Variants in COBL observed in about 807,000 individuals in gnomAD.
COBL encodes the protein cordon-bleu WH2 repeat protein.
COBL carries 51 observed loss-of-function variants against 98.8 expected under a neutral mutation model. The ratio of observed to expected loss-of-function variants is 0.52; its 90% CI spans 0.41 to 0.65. The LOEUF (loss-of-function observed/expected upper bound fraction) is 0.65, where lower values mean the gene tolerates loss of function less well. Among genes scored for constraint, COBL ranks in the 30% least tolerant of loss-of-function variants. The probability of loss-of-function intolerance (pLI) is 0.00; values close to 1 mark genes in which losing one functional copy is unlikely to be tolerated. For synonymous variants in COBL, 634 were observed against 651.7 expected (o/e 0.97, Z 0.41); for missense variants, 1,617 against 1,617.5 (o/e 1.00, Z 0.01).
At chr7:51,098,376 A>G (rs1361379323) in intron 6 of COBL, among the ~76,000 whole-genome samples, 1 of 152,044 alleles carries the variant, frequency 6.6e-6, no homozygotes, top group Non-Finnish European at 1.5e-5. Context: ...CATATTACAA[A>G]GCTACTATAA....
In COBL at chr7:51,102,742, C is replaced by T. The variant is rs553430417; in HGVS notation, c.958-17438G>A. On this transcript the variant is annotated intron_variant, in intron 6 of 12. Transcript: ENST00000265136. ...GCATCCATTTACATATTCATTTGTTCGCTTGTTTGTTGATTTGTTCATTCA... is the reference window on the plus strand; with the variant it reads ...GCATCCATTTACATATTCATTTGTTTGCTTGTTTGTTGATTTGTTCATTCA... Among the ~76,000 whole-genome samples the T allele has an allele frequency of 5.9e-5, 9 of 152,294 alleles. No individual in the cohort carries two copies. The East Asian group carries it at 7.7e-4, about 13-fold the overall frequency.
At chr7:51,207,039 A>G (rs908088955) in intron 2 of COBL, among the ~76,000 whole-genome samples, 32 of 152,292 alleles carry the variant, frequency 2.1e-4, no homozygotes, top group African/African-American at 6.3e-4. Flanking sequence ...ACACACATAC[A>G]CACACAAGTC....
chr7:51,248,557 TGTAAATTACACAAGTG>T (rs551332143), intron 1 of COBL, among the ~76,000 whole-genome samples: 505 of 152,344 alleles, frequency 3.3e-3, no homozygotes, highest in Non-Finnish European at 5.5e-3. Flanking sequence ...TTTGAGTGCA[TGTAAATTACACAAGTG>T]GTAAATTACT....
intron 3 of COBL, 58 bp downstream of exon 3, chr7:51,193,321 C>T: frequency 6.7e-7 from 1 of 1,493,566 alleles, no homozygotes. Flanking sequence ...ACACTGGCCC[C>T]TACTCAGGAC....
chr7:51,296,067 C>T (rs1456006233), intron 1 of COBL, among the ~76,000 whole-genome samples: 1 of 152,198 alleles, frequency 6.6e-6, no homozygotes, highest in Non-Finnish European at 1.5e-5. Flanking sequence ...GAACTAACTG[C>T]TCCGCTCCTT....
At chr7:51,204,810 A>G (rs1215699855) in intron 2 of COBL, among the ~76,000 whole-genome samples, 1 of 152,190 alleles carries the variant, frequency 6.6e-6, no homozygotes, top group Non-Finnish European at 1.5e-5. Flanking sequence ...TGGCCTCCCA[A>G]TGTGCTGGGA....
intron 2 of COBL, among the ~76,000 whole-genome samples, chr7:51,208,301 C>A (rs1022313383): frequency 3.3e-5 from 5 of 150,654 alleles, no homozygotes; most frequent in South Asian, 2.1e-4. Context: ...AAGTGAGGAG[C>A]GTCTCCGCCC....
chr7:51,213,729 C>T (rs750323509), intron 2 of COBL, among the ~76,000 whole-genome samples: 1 of 152,074 alleles, frequency 6.6e-6, no homozygotes, highest in Non-Finnish European at 1.5e-5. Flanking sequence ...CTCGCAGATG[C>T]AAATCAGAAG....
intron 2 of COBL, among the ~76,000 whole-genome samples, chr7:51,198,284 T>C (rs966842421): frequency 1.3e-5 from 2 of 152,234 alleles, no homozygotes; most frequent in Non-Finnish European, 1.5e-5. Flanking sequence ...TGTCCAGATA[T>C]GAAATTCTGG....
At chr7:51,121,044 T>C (rs1347764891) in intron 6 of COBL, among the ~76,000 whole-genome samples, 3 of 152,098 alleles carry the variant, frequency 2.0e-5, no homozygotes, top group South Asian at 4.1e-4. Flanking sequence ...GGAAGTGAAA[T>C]TGCTAGATCC....
intron 1 of COBL, among the ~76,000 whole-genome samples, chr7:51,286,385 T>A: frequency 7.2e-6 from 1 of 139,816 alleles, no homozygotes; most frequent in Non-Finnish European, 1.5e-5. Context: ...CCACATTATA[T>A]AAAGAAACTT....
At position 51,175,220 on chromosome 7, in the gene COBL, A is replaced by G. The variant is rs921140883; in HGVS notation, c.783+8882T>C. 2.6e-5 allele frequency among the ~76,000 whole-genome samples: 4 copies of G among 152,352 alleles called. No individual in the cohort carries two copies. In the East Asian group the frequency reaches 5.8e-4, roughly 22 times the overall value. On this transcript the variant is annotated intron_variant, in intron 5 of 12. Transcript: ENST00000265136. ...AGGTATTGGCAGTTTTGCACTGCTG[A>G]TATCACTTTACATAGCACGCTTTTA... is the stretch of plus-strand genomic sequence containing the variant.
chr7:51,064,917 A>G (rs1236907592), intron 7 of COBL: 2 of 547,420 alleles, frequency 3.7e-6, no homozygotes, highest in Middle Eastern at 4.8e-4. Context: ...GAAAGGATGC[A>G]GTGCGGTCTG....
intron 7 of COBL, 151 bp downstream of exon 7, chr7:51,085,015 T>C: frequency 1.7e-6 from 2 of 1,157,796 alleles, no homozygotes; most frequent in Non-Finnish European, 2.4e-6. Context: ...AACTTGCAAT[T>C]ATTTCTTTCC....
At chr7:51,190,549 A>G (rs79336644) in intron 4 of COBL, among the ~76,000 whole-genome samples, 4,796 of 152,314 alleles carry the variant, frequency 0.031, 217 homozygotes, top group South Asian at 0.15. Context: ...TAGTTACTTC[A>G]GAGCATAAGC....
At chr7:51,241,779 C>T (rs563208135) in intron 1 of COBL, among the ~76,000 whole-genome samples, 1 of 152,258 alleles carries the variant, frequency 6.6e-6, no homozygotes, top group South Asian at 2.1e-4. Flanking sequence ...TCATGATCCT[C>T]GTTCCTCAGC....
intron 6 of COBL, among the ~76,000 whole-genome samples, chr7:51,106,977 T>C (rs760620129): frequency 1.1e-4 from 17 of 152,246 alleles, no homozygotes; most frequent in Non-Finnish European, 2.2e-4. Context: ...TATAAATTTA[T>C]GATACAAAGT....
intron 2 of COBL, among the ~76,000 whole-genome samples, chr7:51,212,136 T>C (rs1792512212): frequency 6.6e-6 from 1 of 152,226 alleles, no homozygotes; most frequent in Non-Finnish European, 1.5e-5. Flanking sequence ...TGTTATTTTT[T>C]TTGTATTTGT....
intron 1 of COBL, among the ~76,000 whole-genome samples, chr7:51,243,053 T>C (rs1795943844): frequency 6.6e-6 from 1 of 152,192 alleles, no homozygotes; most frequent in African/African-American, 2.4e-5. Flanking sequence ...TTTTCTGCGC[T>C]TGTTAAACTC....
Sources: gnomAD v4.1 joint callset for allele counts (sites outside exome capture counted in the v4.1 genomes callset) on GRCh38, gnomAD v4.1.1 for gene constraint, MANE v1.5 for transcripts, NCBI Gene and HGNC (gene_info 2026-07-23, HGNC 2026-07-21) for gene names.